Variants in KBTBD11 observed in about 807,000 individuals in gnomAD.
KBTBD11 encodes the protein kelch repeat and BTB domain containing 11, also known as kelch repeat and BTB domain-containing protein 11.
For missense variants in KBTBD11, 1,390 were observed against 1,001.8 expected (o/e 1.39, Z -5.23); for synonymous variants, 747 against 499.0 (o/e 1.50, Z -6.63).
intron 1 of KBTBD11, among the ~76,000 whole-genome samples, chr8:1,992,640 T>G (rs1226393675): frequency 6.6e-6 from 1 of 152,088 alleles, no homozygotes; most frequent in Non-Finnish European, 1.5e-5. Context: ...CCATCCTTAT[T>G]TTCATACTGT....
At position 2,002,512 on chromosome 8, in the gene KBTBD11, G is replaced by C; in HGVS notation, c.1320G>C (p.Pro440=). 6.6e-7 allele frequency: 1 copy of C among 1,517,466 alleles called. No individual in the cohort carries two copies. The allele number at this position is 1,517,466 out of a possible 1,614,324, so 94.0% of individuals were successfully genotyped here. A position where few individuals can be genotyped will look rare whatever the true frequency, so the allele number is the denominator to read the frequency against. ...CCGACCGCTGGGCCCCCGTGGCGCC[G>C]CTGCCCCGGGGCGCCTTCGCCGTGG... ...PRADRWAPVA[P]LPRGAFAVAH... Residue 440 remains proline (P), a synonymous_variant, in exon 2 of 2, where the codon CCG becomes CCC. Coordinates refer to ENST00000320248, the MANE Select transcript of KBTBD11 (RefSeq NM_014867.3). This position sits in a 1 kb window ranked among gnomAD's most constrained non-coding sequence, Gnocchi z 4.1.
chr8:1,999,161 G>A (rs1817253311), intron 1 of KBTBD11, among the ~76,000 whole-genome samples: 1 of 152,234 alleles, frequency 6.6e-6, no homozygotes, highest in Admixed American at 6.5e-5. Flanking sequence ...CAGAGGGAGA[G>A]AGAGAGACAG....
Position 2,001,715 on chromosome 8 carries a change from C to G in KBTBD11, c.523C>G (p.Arg175Gly). Residue 175 changes from arginine to glycine, a missense_variant, in exon 2 of 2, where the codon CGG (arginine) becomes GGG (glycine). Coordinates refer to ENST00000320248, the MANE Select transcript of KBTBD11 (RefSeq NM_014867.3). ...FRARASRDVL[R>G]VQGVSLTALR... is the part of the protein sequence containing the mutation. The stretch of plus-strand genomic sequence containing the variant: ...CGCGCGCGCGTCGCGGGACGTGCTG[C>G]GGGTGCAGGGAGTGAGCCTGACGGC... The G allele has an allele frequency of 1.4e-6, 2 of 1,423,722 alleles. No individual in the cohort carries two copies. Among genetic ancestry groups the G allele is most frequent in the Non-Finnish European group, 1.8e-6 (2 of 1,093,274 alleles). 88.2% of individuals were successfully genotyped at this position (1,423,722 alleles called of 1,614,324 possible).
In KBTBD11 at chr8:2,001,314, T is replaced by C; in HGVS notation, c.122T>C (p.Leu41Pro). 6.6e-7 allele frequency: 1 copy of C among 1,523,092 alleles called. No individual in the cohort carries two copies. The highest frequency in any genetic ancestry group is 8.7e-7 in the Non-Finnish European group (1 of 1,143,628). 94.3% of individuals were successfully genotyped at this position (1,523,092 alleles called of 1,614,324 possible). The change falls in exon 2 of 2, where the codon CTG becomes CCG. Residue 41 changes from leucine (L) to proline (P), a missense_variant. Physicochemically the swap from Leu to Pro is moderately conservative, Grantham distance 98. Transcript: ENST00000320248. ...AQTPCSLGASLCFSSGEESPP... is the reference protein window; with the variant it reads ...AQTPCSLGASPCFSSGEESPP... Reference sequence around the variant, plus strand: ...ACACCCTGCAGTCTCGGCGCGTCCCTGTGCTTCAGCTCCGGGGAAGAGTCC... The same window carrying C: ...ACACCCTGCAGTCTCGGCGCGTCCCCGTGCTTCAGCTCCGGGGAAGAGTCC...
Position 2,005,918 on chromosome 8 carries a change from A to G in KBTBD11, c.*2854A>G, listed in dbSNP as rs1476315531. On this transcript the variant is annotated 3_prime_UTR_variant, in exon 2 of 2. Transcript: ENST00000320248. ...GCCAATCAAGGTTCATTTGAGATGCAGAGGAATGAGCTTGAGCCTTCCTCC... is the reference window on the plus strand; with the variant it reads ...GCCAATCAAGGTTCATTTGAGATGCGGAGGAATGAGCTTGAGCCTTCCTCC... 2 of 167,142 alleles carry G rather than the reference A, an allele frequency of 1.2e-5. No homozygotes were observed. The highest frequency in any genetic ancestry group is 4.8e-5 in the African/African-American group (2 of 41,464). The allele number at this position is 167,142 out of a possible 1,614,324, so 10.4% of individuals were successfully genotyped here.
rs2129316296 is a variant in KBTBD11, at chr8:2,001,441, G to C, written c.249G>C (p.Ala83=). ...VVERQWEAGS[A]GAASPEELAS... ...AGCGGCAGTGGGAGGCCGGCAGCGC[G>C]GGCGCCGCGTCCCCGGAGGAGCTCG... The change falls in exon 2 of 2, where the codon GCG becomes GCC. Residue 83 remains alanine, a synonymous_variant. Coordinates refer to ENST00000320248, the MANE Select transcript of KBTBD11 (RefSeq NM_014867.3). The C allele has an allele frequency of 1.5e-6, 2 of 1,357,694 alleles. No individual in the cohort carries two copies. Among genetic ancestry groups the C allele is most frequent in the Non-Finnish European group, 1.9e-6 (2 of 1,063,348 alleles). The allele number at this position is 1,357,694 out of a possible 1,614,324, so 84.1% of individuals were successfully genotyped here.
chr8:1,973,684 G>GCGCGCGCCCCT lies in KBTBD11; in HGVS notation c.-1156_-1146dup, dbSNP rs1250301413. The GCGCGCGCCCCT allele has an allele frequency of 4.3e-5, 42 of 982,266 alleles. No individual in the cohort carries two copies. The highest frequency in any genetic ancestry group is 4.8e-5 in the Non-Finnish European group (40 of 828,030). 60.8% of individuals were successfully genotyped at this position (982,266 alleles called of 1,614,324 possible). On this transcript the variant is annotated 5_prime_UTR_variant, in exon 1 of 2. Coordinates refer to ENST00000320248, the MANE Select transcript of KBTBD11 (RefSeq NM_014867.3). ...GCGCCCGCCCCCCTCCCCGCGCCCC[G>GCGCGCGCCCCT]CGCGCGCCCCTCGCAGCCTGGAGCC...
chr8:1,980,659 C>T (rs1047318372), intron 1 of KBTBD11, among the ~76,000 whole-genome samples: 4 of 152,334 alleles, frequency 2.6e-5, no homozygotes, highest in South Asian at 2.1e-4. Flanking sequence ...GTGGTGGCAG[C>T]GTGTGCTGAG....
intron 1 of KBTBD11, chr8:1,974,354 C>T: frequency 3.0e-6 from 3 of 984,858 alleles, no homozygotes; most frequent in Non-Finnish European, 3.6e-6. Context: ...GAGGGTCCCG[C>T]CGCCCCAGCC....
chr8:1,988,808 A>G lies in KBTBD11; in HGVS notation c.-908-11477A>G, dbSNP rs530745837. On this transcript the variant is annotated intron_variant, in intron 1 of 1. Coordinates refer to ENST00000320248, the MANE Select transcript of KBTBD11 (RefSeq NM_014867.3). The stretch of plus-strand genomic sequence containing the variant: ...GCTGGCGCGCTGTCTGGCACATTGT[A>G]AATACTTCATATATGTCTGCTAAGT... Among the ~76,000 whole-genome samples, 4 of 152,316 alleles carry G rather than the reference A, an allele frequency of 2.6e-5. No homozygotes were observed. In the East Asian group the frequency reaches 7.7e-4, roughly 29 times the overall value.
At position 2,003,275 on chromosome 8, in the gene KBTBD11, C is replaced by G. The variant is rs1585766802; in HGVS notation, c.*211C>G. ...GCTTCTGGGGGTGGATGCCTTGAGA[C>G]CCAGGAGGTGTGCGGATGGGTCCCT... On this transcript the variant is annotated 3_prime_UTR_variant, in exon 2 of 2. Coordinates refer to ENST00000320248, the MANE Select transcript of KBTBD11 (RefSeq NM_014867.3). The G allele has an allele frequency of 1.4e-6, 1 of 709,670 alleles. No individual in the cohort carries two copies. Among genetic ancestry groups the G allele is most frequent in the African/African-American group, 1.9e-5 (1 of 53,734 alleles). The allele number at this position is 709,670 out of a possible 1,614,324, so 44.0% of individuals were successfully genotyped here.
chr8:1,996,253 C>T lies in KBTBD11; in HGVS notation c.-908-4032C>T, dbSNP rs189257312. On this transcript the variant is annotated intron_variant, in intron 1 of 1. Coordinates refer to ENST00000320248, the MANE Select transcript of KBTBD11 (RefSeq NM_014867.3). Reference sequence around the variant, plus strand: ...AGGGTGTGGTGGGATATAGGCAATGCGTGTAGGACGCTGGAAGGAATTTTT... The same window carrying T: ...AGGGTGTGGTGGGATATAGGCAATGTGTGTAGGACGCTGGAAGGAATTTTT... 4.6e-5 allele frequency among the ~76,000 whole-genome samples: 7 copies of T among 152,210 alleles called. No individual in the cohort carries two copies. The East Asian group carries it at 5.8e-4, about 13-fold the overall frequency.
intron 1 of KBTBD11, among the ~76,000 whole-genome samples, chr8:1,999,545 T>G (rs759770714): frequency 6.6e-5 from 10 of 152,212 alleles, no homozygotes; most frequent in South Asian, 4.1e-4. Flanking sequence ...GATATTTGAT[T>G]GTATTCTATA....
chr8:1,989,556 C>A (rs750394794), intron 1 of KBTBD11, among the ~76,000 whole-genome samples: 3 of 152,140 alleles, frequency 2.0e-5, no homozygotes, highest in African/African-American at 7.2e-5. Flanking sequence ...AGCTCCATAC[C>A]GCATGGATCT....
intron 1 of KBTBD11, among the ~76,000 whole-genome samples, chr8:1,975,730 C>A (rs778643351): frequency 1.3e-5 from 2 of 152,170 alleles, no homozygotes; most frequent in Admixed American, 6.5e-5. Flanking sequence ...AAAGAAATTC[C>A]CAGGGAGCAG....
chr8:1,986,595 A>G (rs948408307), intron 1 of KBTBD11, among the ~76,000 whole-genome samples: 2 of 152,180 alleles, frequency 1.3e-5, no homozygotes, highest in Non-Finnish European at 2.9e-5. Context: ...AACTTTTAGT[A>G]ACTAAGTTAC....
In KBTBD11 at chr8:2,001,981, T is replaced by C; in HGVS notation, c.789T>C (p.Tyr263=). The change falls in exon 2 of 2, where the codon TAT becomes TAC. Residue 263 remains tyrosine, a synonymous_variant. Coordinates refer to ENST00000320248, the MANE Select transcript of KBTBD11 (RefSeq NM_014867.3). ...DAAYCFMSDH[Y]LEVLREPAVF... ...CCTACTGCTTCATGAGCGACCACTATCTGGAGGTGCTGCGCGAGCCCGCCG... is the reference window on the plus strand; with the variant it reads ...CCTACTGCTTCATGAGCGACCACTACCTGGAGGTGCTGCGCGAGCCCGCCG... 1 of 1,450,632 alleles carries C rather than the reference T, an allele frequency of 6.9e-7. No homozygotes were observed. Among genetic ancestry groups the C allele is most frequent in the South Asian group, 1.2e-5 (1 of 81,782 alleles). 89.9% of individuals were successfully genotyped at this position (1,450,632 alleles called of 1,614,324 possible). A position where few individuals can be genotyped will look rare whatever the true frequency, so the allele number is the denominator to read the frequency against.
intron 1 of KBTBD11, among the ~76,000 whole-genome samples, chr8:1,989,758 G>A (rs909716111): frequency 6.6e-6 from 1 of 152,040 alleles, no homozygotes; most frequent in Non-Finnish European, 1.5e-5. Flanking sequence ...GTCTGGCTGC[G>A]AACCTGACCA....
At chr8:1,994,781 A>G (rs1016989238) in intron 1 of KBTBD11, among the ~76,000 whole-genome samples, 6 of 152,304 alleles carry the variant, frequency 3.9e-5, no homozygotes, top group Non-Finnish European at 8.8e-5. Flanking sequence ...AAAAGAGGCC[A>G]GGCGTGGTGG....
Sources: allele counts gnomAD v4.1 joint callset (sites outside exome capture counted in the v4.1 genomes callset), GRCh38; gene constraint gnomAD v4.1.1; non-coding constraint Gnocchi (gnomAD v3.1); transcripts MANE v1.5; gene names NCBI Gene and HGNC (gene_info 2026-07-23, HGNC 2026-07-21).